ACAP2: variants seen among roughly 807,000 people sequenced by gnomAD.
ACAP2 encodes the protein arf-GAP with coiled-coil, ANK repeat and PH domain-containing protein 2.
A neutral mutation model predicts 115.8 loss-of-function variants in ACAP2; 39 were observed. The observed-to-expected ratio is 0.34, with a 90% confidence interval of 0.26 to 0.44. The LOEUF (loss-of-function observed/expected upper bound fraction) is 0.44. Among genes scored for constraint, ACAP2 ranks in the 20% least tolerant of loss-of-function variants. ACAP2 has a pLI of 1.00. For missense variants in ACAP2, 662 were observed against 927.6 expected (o/e 0.71, Z 3.72); for synonymous variants, 289 against 315.8 (o/e 0.92, Z 0.90).
chr3:195,308,895 T>C (rs1006355260), intron 10 of ACAP2, 58 bp from the exon 11 acceptor site: 3 of 1,470,960 alleles, frequency 2.0e-6, no homozygotes, highest in Non-Finnish European at 2.8e-6. Context: ...CCATTGTTGT[T>C]AGAAATGAAA....
intron 4 of ACAP2, among the ~76,000 whole-genome samples, chr3:195,366,994 C>T (rs528703675): frequency 3.0e-5 from 4 of 135,108 alleles, no homozygotes; most frequent in Admixed American, 2.6e-4. Context: ...ATAGACAATA[C>T]AGAAACAGAA....
At chr3:195,297,134 G>A in intron 16 of ACAP2, 56 bp downstream of exon 16, 1 of 1,458,946 alleles carries the variant, frequency 6.9e-7, no homozygotes. Flanking sequence ...TTACTACAGT[G>A]AAATAAAATC....
chr3:195,427,722 C>A (rs1321481196), intron 1 of ACAP2, among the ~76,000 whole-genome samples: 1 of 152,004 alleles, frequency 6.6e-6, no homozygotes, highest in Non-Finnish European at 1.5e-5. Context: ...CCAGCCTGGG[C>A]AACATGGCAA....
chr3:195,357,703 A>C (rs1013624623), intron 4 of ACAP2: 1 of 152,274 alleles, frequency 6.6e-6, no homozygotes, highest in Non-Finnish European at 1.5e-5. Context: ...GGTAATCCAG[A>C]GAATTCTTCC....
intron 21 of ACAP2, among the ~76,000 whole-genome samples, chr3:195,286,409 C>T (rs1333925870): frequency 1.3e-5 from 2 of 152,172 alleles, no homozygotes; most frequent in Non-Finnish European, 2.9e-5. Flanking sequence ...TTTTAGGTTA[C>T]TCATCTTGGC....
chr3:195,373,790 T>C (rs889576709), intron 4 of ACAP2, among the ~76,000 whole-genome samples: 3 of 151,620 alleles, frequency 2.0e-5, no homozygotes, highest in Admixed American at 1.3e-4. Context: ...ATTAGCCAGG[T>C]GGTGGACACC....
intron 4 of ACAP2, among the ~76,000 whole-genome samples, chr3:195,360,776 C>T (rs563793224): frequency 1.3e-5 from 2 of 148,458 alleles, no homozygotes; most frequent in South Asian, 2.1e-4. Context: ...CCAGCTTGGG[C>T]GACAGAGTGA....
At position 195,350,641 on chromosome 3, in the gene ACAP2, T is replaced by C. The variant is rs963028685; in HGVS notation, c.286-5324A>G. Among the ~76,000 whole-genome samples, 72 of 138,356 alleles carry C rather than the reference T, an allele frequency of 5.2e-4. 1 individual carries two copies. Among genetic ancestry groups the C allele is most frequent in the Admixed American group, 2.9e-3 (40 of 13,752 alleles). The allele number at this position is 138,356 out of a possible 152,430, so 90.8% of individuals were successfully genotyped here. ...TCTAGCCCAGAAAACAAAGCAAGAC[T>C]GTCTCAGGAAAAAAAAAAAAAGAAA... is the stretch of plus-strand genomic sequence containing the variant. On this transcript the variant is annotated intron_variant, in intron 4 of 22. Coordinates refer to ENST00000326793, the MANE Select transcript of ACAP2 (RefSeq NM_012287.6).
At chr3:195,294,957 T>C in intron 17 of ACAP2, 146 bp from the exon 18 acceptor site, 1 of 540,718 alleles carries the variant, frequency 1.8e-6, no homozygotes, top group Non-Finnish European at 3.3e-6. Flanking sequence ...ATTTTAAGCC[T>C]TTTGAACACT....
chr3:195,417,170 A>G (rs1713806318), intron 1 of ACAP2, among the ~76,000 whole-genome samples: 3 of 146,034 alleles, frequency 2.1e-5, no homozygotes, highest in African/African-American at 7.7e-5. Flanking sequence ...GGCCTCGAGC[A>G]GTCCTCCCGC....
intron 10 of ACAP2, among the ~76,000 whole-genome samples, chr3:195,312,088 G>A (rs546902056): frequency 6.6e-6 from 1 of 151,950 alleles, no homozygotes; most frequent in Admixed American, 6.5e-5. Context: ...AAAAATTCGA[G>A]TTATCTTTTA....
chr3:195,410,219 A>G (rs1277465271), intron 1 of ACAP2, among the ~76,000 whole-genome samples: 1 of 152,224 alleles, frequency 6.6e-6, no homozygotes, highest in African/African-American at 2.4e-5. Context: ...GGATATCCAC[A>G]TGCAAAAGAA....
At chr3:195,412,584 C>A (rs1010297814) in intron 1 of ACAP2, among the ~76,000 whole-genome samples, 8 of 151,956 alleles carry the variant, frequency 5.3e-5, no homozygotes, top group Non-Finnish European at 7.4e-5. Context: ...GCACTCCAGC[C>A]TGGGTGACAG....
intron 6 of ACAP2, 91 bp from the exon 7 acceptor site, chr3:195,337,067 T>C: frequency 8.2e-7 from 1 of 1,213,184 alleles, no homozygotes. Flanking sequence ...AATGGTTTAA[T>C]ACTTTTCGAA....
chr3:195,291,843 G>A, intron 19 of ACAP2, 28 bp from the exon 20 acceptor site: 1 of 1,563,414 alleles, frequency 6.4e-7, no homozygotes. Flanking sequence ...GATAACTATA[G>A]ACAAAAGCAA....
At chr3:195,435,693 C>G (rs1039502857) in intron 1 of ACAP2, among the ~76,000 whole-genome samples, 2 of 152,064 alleles carry the variant, frequency 1.3e-5, no homozygotes, top group Non-Finnish European at 2.9e-5. Context: ...CAAATTTTAT[C>G]CCCTTATGGT....
chr3:195,351,134 G>A (rs913144322), intron 4 of ACAP2, among the ~76,000 whole-genome samples: 24 of 79,440 alleles, frequency 3.0e-4, no homozygotes, highest in East Asian at 3.1e-3. Flanking sequence ...TTTTTTGGGC[G>A]GGGGACAGGG....
At chr3:195,397,240 A>G (rs368859968) in intron 1 of ACAP2, among the ~76,000 whole-genome samples, 2 of 152,160 alleles carry the variant, frequency 1.3e-5, no homozygotes, top group East Asian at 1.9e-4. Flanking sequence ...AGTACCTATC[A>G]CCCTAAGTCA....
chr3:195,421,706 C>T (rs1343234149), intron 1 of ACAP2, among the ~76,000 whole-genome samples: 1 of 152,160 alleles, frequency 6.6e-6, no homozygotes, highest in Non-Finnish European at 1.5e-5. Context: ...GTAATTTGTA[C>T]GGAAGTTTTC....
Sources: allele counts gnomAD v4.1 joint callset (sites outside exome capture counted in the v4.1 genomes callset), GRCh38; gene constraint gnomAD v4.1.1; transcripts MANE v1.5; gene names NCBI Gene and HGNC (gene_info 2026-07-23, HGNC 2026-07-21).